The following SPECC1 variants were observed in gnomAD, a reference collection of about 807,000 sequenced individuals.
SPECC1 encodes the protein cytospin-B.
SPECC1 carries 62 observed loss-of-function variants against 104.1 expected under a neutral mutation model. That is an observed-to-expected ratio of 0.60 (90% CI 0.49 to 0.74). The LOEUF (loss-of-function observed/expected upper bound fraction) is 0.74. SPECC1 is among the 30% of genes least tolerant of loss of function. The pLI is 0.00. For synonymous variants in SPECC1, 513 were observed against 501.6 expected (o/e 1.02, Z -0.30); for missense variants, 1,306 against 1,310.5 (o/e 1.00, Z 0.05).
chr17:20,249,283 T>C lies in SPECC1; in HGVS notation c.2598+1964T>C, dbSNP rs548918973. 2.6e-5 allele frequency among the ~76,000 whole-genome samples: 4 copies of C among 152,186 alleles called. No individual in the cohort carries two copies. In the East Asian group the frequency reaches 7.7e-4, roughly 29 times the overall value. ...AAATACAAAAATCAACTGGGCATGG[T>C]GGTGTGTGCCTGTTGTCCCAGCCAC... On this transcript the variant is annotated intron_variant, in intron 9 of 14. Coordinates refer to ENST00000395527, the MANE Select transcript of SPECC1 (RefSeq NM_001243439.2).
At chr17:20,150,554 G>A (rs776170478) in intron 3 of SPECC1, among the ~76,000 whole-genome samples, 3 of 151,462 alleles carry the variant, frequency 2.0e-5, no homozygotes, top group Non-Finnish European at 2.9e-5. Context: ...CAGGAGAATC[G>A]CTTGAACTCG....
chr17:20,033,204 T>C (rs2044898607), intron 1 of SPECC1, among the ~76,000 whole-genome samples: 1 of 152,062 alleles, frequency 6.6e-6, no homozygotes. Flanking sequence ...CCTAGGGTGA[T>C]CTGCCCGCCT....
chr17:20,039,824 T>C (rs1414733623), intron 1 of SPECC1, among the ~76,000 whole-genome samples: 1 of 152,206 alleles, frequency 6.6e-6, no homozygotes, highest in Non-Finnish European at 1.5e-5. Flanking sequence ...CCCGAAGTGC[T>C]GGGATTACAA....
chr17:20,040,099 G>T (rs1252059846), intron 1 of SPECC1, among the ~76,000 whole-genome samples: 1 of 150,672 alleles, frequency 6.6e-6, no homozygotes, highest in Non-Finnish European at 1.5e-5. Flanking sequence ...AATTGTTTTT[G>T]GTTATTATCT....
At chr17:20,052,416 CATCAAAGA>C (rs2045808290) in intron 1 of SPECC1, among the ~76,000 whole-genome samples, 3 of 152,310 alleles carry the variant, frequency 2.0e-5, no homozygotes, top group East Asian at 3.9e-4. Context: ...AAAGGTCATA[CATCAAAGA>C]ATCTAGACCA....
intron 2 of SPECC1, among the ~76,000 whole-genome samples, chr17:20,098,037 C>T (rs922845614): frequency 1.3e-5 from 2 of 152,198 alleles, no homozygotes; most frequent in Non-Finnish European, 2.9e-5. Context: ...GGTCCATTCT[C>T]ATGGCTTTTA....
chr17:20,119,248 T>C (rs1394626532), intron 3 of SPECC1, among the ~76,000 whole-genome samples: 1 of 152,256 alleles, frequency 6.6e-6, no homozygotes, highest in Non-Finnish European at 1.5e-5. Context: ...TTTTTAAATT[T>C]ATTTTATTTT....
At chr17:20,093,737 T>G (rs1215416295) in intron 1 of SPECC1, among the ~76,000 whole-genome samples, 2 of 122,584 alleles carry the variant, frequency 1.6e-5, no homozygotes, top group East Asian at 2.0e-4. Context: ...TTTTTTGTTT[T>G]TTTTTTTTTT....
intron 3 of SPECC1, among the ~76,000 whole-genome samples, chr17:20,167,819 A>G (rs1177890527): frequency 1.3e-5 from 2 of 152,264 alleles, no homozygotes; most frequent in African/African-American, 2.4e-5. Context: ...TGGATATTAC[A>G]TATTACAGAG....
At chr17:20,233,803 C>G (rs1265650922) in intron 7 of SPECC1, among the ~76,000 whole-genome samples, 2 of 152,246 alleles carry the variant, frequency 1.3e-5, no homozygotes, top group Non-Finnish European at 2.9e-5. Flanking sequence ...TGGGTGGCCT[C>G]TGTGTCTGCT....
At chr17:20,180,992 T>C (rs1437181953) in intron 3 of SPECC1, among the ~76,000 whole-genome samples, 5 of 74,004 alleles carry the variant, frequency 6.8e-5, no homozygotes, top group Non-Finnish European at 1.1e-4. Context: ...TCCAGTGAAA[T>C]TAGTGGTAAA....
rs1381013847 is a variant in SPECC1, at chr17:20,009,712, G to C, written c.-22+288G>C. Among the ~76,000 whole-genome samples the C allele has an allele frequency of 6.6e-6, 1 of 152,076 alleles. No individual in the cohort carries two copies. The highest frequency in any genetic ancestry group is 1.5e-5 in the Non-Finnish European group (1 of 67,964). ...GGCAGGTGGCCGCCTCCTCCCCTCC[G>C]GGCCCGAGGGTTGTCGCAGGGACCC... is the stretch of plus-strand genomic sequence containing the variant. On this transcript the variant is annotated intron_variant, in intron 1 of 14. Transcript: ENST00000395527. This position sits in a 1 kb window ranked among gnomAD's most constrained non-coding sequence, Gnocchi z 5.2.
intron 3 of SPECC1, among the ~76,000 whole-genome samples, chr17:20,144,402 G>A (rs957917288): frequency 2.0e-5 from 3 of 151,666 alleles, no homozygotes; most frequent in East Asian, 1.9e-4. Context: ...TGTTGCCCAG[G>A]CTGGTCTCGA....
chr17:20,233,417 G>A (rs766966365), intron 7 of SPECC1, among the ~76,000 whole-genome samples: 1 of 152,202 alleles, frequency 6.6e-6, no homozygotes, highest in Non-Finnish European at 1.5e-5. Flanking sequence ...TCTGCTCCAA[G>A]TAATTCCTTA....
At chr17:20,218,878 C>T (rs1217071817) in intron 4 of SPECC1, among the ~76,000 whole-genome samples, 2 of 152,164 alleles carry the variant, frequency 1.3e-5, no homozygotes, top group African/African-American at 4.8e-5. Context: ...ATTTTTAACT[C>T]CCACAAATGA....
At chr17:20,312,891 C>T (rs2041969763) in intron 14 of SPECC1, among the ~76,000 whole-genome samples, 2 of 152,154 alleles carry the variant, frequency 1.3e-5, no homozygotes, top group South Asian at 2.1e-4. Context: ...ATGAATGGCT[C>T]ATTAACAGCC....
chr17:20,073,296 G>T (rs759375984), intron 1 of SPECC1, among the ~76,000 whole-genome samples: 61 of 152,164 alleles, frequency 4.0e-4, no homozygotes, highest in Non-Finnish European at 1.0e-4. Flanking sequence ...GTGAAGAGCA[G>T]ACTGAGTTTT....
chr17:20,185,311 A>C (rs965022886), intron 3 of SPECC1: 2 of 152,272 alleles, frequency 1.3e-5, no homozygotes, highest in African/African-American at 4.8e-5. Flanking sequence ...AGAGGGTGGA[A>C]GTGCTCCTCT....
intron 3 of SPECC1, among the ~76,000 whole-genome samples, chr17:20,122,475 C>T (rs1182195395): frequency 2.6e-5 from 4 of 152,170 alleles, no homozygotes; most frequent in African/African-American, 9.7e-5. Flanking sequence ...CTCAACTTTC[C>T]TGGTTTTTGA....
Sources: gnomAD v4.1 joint callset for allele counts (sites outside exome capture counted in the v4.1 genomes callset) on GRCh38, gnomAD v4.1.1 for gene constraint, Gnocchi (gnomAD v3.1) non-coding constraint, MANE v1.5 for transcripts, NCBI Gene and HGNC (gene_info 2026-07-23, HGNC 2026-07-21) for gene names.